Variants in CCSER1 observed in about 807,000 individuals in gnomAD.
CCSER1 encodes coiled-coil serine rich protein 1.
Under a neutral mutation model 82.0 loss-of-function variants are expected in CCSER1, and 41 were observed. That is an observed-to-expected ratio of 0.50 (90% confidence interval 0.39 to 0.65). CCSER1 has a LOEUF of 0.65. CCSER1 is among the 30% of genes least tolerant of loss of function. CCSER1 has a pLI of 0.00. For synonymous variants in CCSER1, 414 were observed against 383.9 expected (o/e 1.08, Z -0.92); for missense variants, 1,119 against 1,064.2 (o/e 1.05, Z -0.72).
intron 9 of CCSER1, among the ~76,000 whole-genome samples, chr4:91,025,762 C>A (rs574793210): frequency 6.6e-6 from 1 of 152,084 alleles, no homozygotes; most frequent in South Asian, 2.1e-4. Flanking sequence ...ATTGTGTTTT[C>A]TGTTCCTGGT....
At chr4:91,367,277 G>T (rs147640465) in intron 10 of CCSER1, among the ~76,000 whole-genome samples, 1 of 140,570 alleles carries the variant, frequency 7.1e-6, no homozygotes, top group African/African-American at 2.7e-5. Context: ...AGATTGCACC[G>T]CTGCACTCCA....
At chr4:91,566,479 G>C (rs1332132321) in intron 10 of CCSER1, among the ~76,000 whole-genome samples, 1 of 152,052 alleles carries the variant, frequency 6.6e-6, no homozygotes, top group Non-Finnish European at 1.5e-5. Context: ...CCTCTTCTTT[G>C]AGCATCTGGT....
intron 7 of CCSER1, among the ~76,000 whole-genome samples, chr4:90,785,980 T>C (rs1446646831): frequency 6.6e-6 from 1 of 152,224 alleles, no homozygotes; most frequent in African/African-American, 2.4e-5. Flanking sequence ...TTATGTAAAA[T>C]TGTTTCCAAA....
chr4:90,629,727 T>A (rs1724007572), intron 6 of CCSER1, among the ~76,000 whole-genome samples: 1 of 152,236 alleles, frequency 6.6e-6, no homozygotes, highest in African/African-American at 2.4e-5. Context: ...CTGGATCCTA[T>A]AATGTGTTGT....
In CCSER1 at chr4:91,137,614, T is replaced by A. The variant is rs867601403; in HGVS notation, c.2217+51620T>A. ...TGACTTCCACAATGGTTGAACTAGT[T>A]TACAGTCCCACCAACAGTGTCAAAG... On this transcript the variant is annotated intron_variant, in intron 10 of 10. Transcript: ENST00000509176. 4.7e-3 allele frequency among the ~76,000 whole-genome samples: 670 copies of A among 142,034 alleles called. 3 individuals carry two copies. Among genetic ancestry groups the A allele is most frequent in the African/African-American group, 0.017 (633 of 38,130 alleles). The allele number at this position is 142,034 out of a possible 152,430, so 93.2% of individuals were successfully genotyped here.
chr4:91,016,098 T>C (rs1041361807), intron 9 of CCSER1, among the ~76,000 whole-genome samples: 1 of 152,030 alleles, frequency 6.6e-6, no homozygotes, highest in Non-Finnish European at 1.5e-5. Context: ...CTTTGAACAC[T>C]AGGAAATGTT....
intron 10 of CCSER1, among the ~76,000 whole-genome samples, chr4:91,496,302 A>G (rs898549468): frequency 4.6e-5 from 7 of 151,262 alleles, no homozygotes; most frequent in Non-Finnish European, 8.9e-5. Context: ...TTGTATCACC[A>G]GTTCAGCAGA....
chr4:90,841,526 C>T (rs185040777), intron 8 of CCSER1, among the ~76,000 whole-genome samples: 4 of 145,398 alleles, frequency 2.8e-5, no homozygotes, highest in Admixed American at 1.4e-4. Flanking sequence ...TGCAGTGAGC[C>T]GAGATCGCTC....
At chr4:90,502,348 T>C (rs540149076) in intron 5 of CCSER1, among the ~76,000 whole-genome samples, 1 of 152,254 alleles carries the variant, frequency 6.6e-6, no homozygotes, top group East Asian at 1.9e-4. Flanking sequence ...TCAGATCTCT[T>C]GAGAATTCAC....
chr4:91,102,329 G>A (rs1183379895), intron 10 of CCSER1, among the ~76,000 whole-genome samples: 4 of 152,188 alleles, frequency 2.6e-5, no homozygotes, highest in African/African-American at 9.7e-5. Flanking sequence ...GTATTGCAAG[G>A]TTGAGAATAG....
Position 90,196,680 on chromosome 4 carries a change from CA to C in CCSER1, c.-42+68850del, listed in dbSNP as rs1578432825. 2.0e-5 allele frequency among the ~76,000 whole-genome samples: 3 copies of C among 151,782 alleles called. No homozygotes were observed. In the East Asian group the frequency reaches 5.8e-4, roughly 29 times the overall value. ...ATACACACACACACACACACACACA[CA>C]CACACACAATCTTAGCTCATTGTCT... On this transcript the variant is annotated intron_variant, in intron 1 of 10. Transcript: ENST00000509176.
intron 1 of CCSER1, among the ~76,000 whole-genome samples, chr4:90,235,959 TGA>T (rs1407796402): frequency 1.8e-4 from 27 of 152,272 alleles, no homozygotes; most frequent in Admixed American, 5.2e-4. Context: ...AATTTTTTTT[TGA>T]GAGAGTGTCT....
chr4:91,395,813 G>A (rs748160642), intron 10 of CCSER1, among the ~76,000 whole-genome samples: 3 of 151,986 alleles, frequency 2.0e-5, no homozygotes, highest in Non-Finnish European at 4.4e-5. Context: ...TAAGTAACCT[G>A]GTTTTATGGG....
intron 8 of CCSER1, among the ~76,000 whole-genome samples, chr4:90,854,016 G>A (rs1346345145): frequency 6.6e-6 from 1 of 152,078 alleles, no homozygotes; most frequent in Non-Finnish European, 1.5e-5. Context: ...GAAGTATATA[G>A]TATAGTATGG....
chr4:90,477,731 A>G (rs544280893), intron 5 of CCSER1, among the ~76,000 whole-genome samples: 31 of 152,032 alleles, frequency 2.0e-4, no homozygotes, highest in Non-Finnish European at 3.5e-4. Flanking sequence ...AATAACTAGT[A>G]GGTACTCAAA....
chr4:91,483,606 T>C (rs1758062077), intron 10 of CCSER1, among the ~76,000 whole-genome samples: 1 of 152,044 alleles, frequency 6.6e-6, no homozygotes, highest in South Asian at 2.1e-4. Flanking sequence ...CAGCTAATTT[T>C]TGTATTTTTA....
chr4:91,074,181 A>G (rs999915528), intron 9 of CCSER1, among the ~76,000 whole-genome samples: 1 of 152,316 alleles, frequency 6.6e-6, no homozygotes, highest in South Asian at 2.1e-4. Context: ...TAACTGGTAG[A>G]TCATTTTCAT....
intron 1 of CCSER1, among the ~76,000 whole-genome samples, chr4:90,229,877 C>A (rs1744091533): frequency 6.6e-6 from 1 of 152,054 alleles, no homozygotes. Context: ...ACAAAGAAGG[C>A]CATTACATAA....
intron 5 of CCSER1, among the ~76,000 whole-genome samples, chr4:90,606,831 T>G (rs17017267): frequency 2.2e-4 from 33 of 152,282 alleles, no homozygotes; most frequent in African/African-American, 7.0e-4. Context: ...GTGACACTCA[T>G]ACAGATAAAC....
Sources: gnomAD v4.1 joint callset for allele counts (sites outside exome capture counted in the v4.1 genomes callset) on GRCh38, gnomAD v4.1.1 for gene constraint, MANE v1.5 for transcripts, NCBI Gene and HGNC (gene_info 2026-07-23, HGNC 2026-07-21) for gene names.